STXBP5L: variants seen among roughly 807,000 people sequenced by gnomAD.
STXBP5L encodes the protein syntaxin-binding protein 5-like.
Under a neutral mutation model 144.5 loss-of-function variants are expected in STXBP5L, and 65 were observed. The observed-to-expected ratio is 0.45, with a 90% CI of 0.37 to 0.55. The LOEUF (loss-of-function observed/expected upper bound fraction) is 0.55. STXBP5L is among the 20% of genes least tolerant of loss of function. STXBP5L has a pLI of 0.00. For synonymous variants in STXBP5L, 505 were observed against 469.6 expected (o/e 1.08, Z -0.97); for missense variants, 1,298 against 1,405.5 (o/e 0.92, Z 1.22).
intron 10 of STXBP5L, among the ~76,000 whole-genome samples, chr3:121,215,972 C>A (rs2048762261): frequency 1.3e-5 from 2 of 152,068 alleles, no homozygotes; most frequent in Non-Finnish European, 2.9e-5. Flanking sequence ...TCTCTGATAT[C>A]CTTTCTTTCA....
intron 22 of STXBP5L, among the ~76,000 whole-genome samples, chr3:121,403,189 C>T (rs2046922510): frequency 6.6e-6 from 1 of 152,064 alleles, no homozygotes; most frequent in Non-Finnish European, 1.5e-5. Flanking sequence ...GTTACAGTTA[C>T]TAAACTAAGC....
At chr3:120,975,118 A>G (rs1157591608) in intron 3 of STXBP5L, among the ~76,000 whole-genome samples, 4 of 152,176 alleles carry the variant, frequency 2.6e-5, no homozygotes, top group African/African-American at 9.7e-5. Flanking sequence ...CATTGAATCT[A>G]TAAATTACCT....
chr3:121,419,324 G>A lies in STXBP5L; in HGVS notation c.*227G>A. The A allele has an allele frequency of 2.3e-6, 1 of 436,960 alleles. No individual in the cohort carries two copies. Among genetic ancestry groups the A allele is most frequent in the Non-Finnish European group, 4.0e-6 (1 of 249,090 alleles). 27.1% of individuals were successfully genotyped at this position (436,960 alleles called of 1,614,324 possible). A position where few individuals can be genotyped will look rare whatever the true frequency, so the allele number is the denominator to read the frequency against. On this transcript the variant is annotated 3_prime_UTR_variant, in exon 27 of 27. Coordinates refer to ENST00000471454, the MANE Select transcript of STXBP5L (RefSeq NM_001308330.2). The stretch of plus-strand genomic sequence containing the variant: ...GGCTGAATTTGCCTTTTCCCATGTG[G>A]AATGGAGCTATCATCTTGGCATGTC...
chr3:121,207,693 A>T (rs934621817), intron 10 of STXBP5L, among the ~76,000 whole-genome samples: 23 of 152,244 alleles, frequency 1.5e-4, no homozygotes, highest in African/African-American at 5.5e-4. Flanking sequence ...GACATTTCTC[A>T]AAAGAAGACA....
chr3:120,993,620 GATTT>G (rs1041744863), intron 3 of STXBP5L, among the ~76,000 whole-genome samples: 28 of 152,104 alleles, frequency 1.8e-4, no homozygotes, highest in African/African-American at 6.5e-4. Context: ...TAAATATGTG[GATTT>G]ATTTGTGAAT....
At chr3:121,052,181 A>C (rs1032559406) in intron 5 of STXBP5L, among the ~76,000 whole-genome samples, 2 of 152,218 alleles carry the variant, frequency 1.3e-5, no homozygotes, top group Admixed American at 1.3e-4. Context: ...ATTCCTTCTG[A>C]AACTATTCCA....
At position 121,173,611 on chromosome 3, in the gene STXBP5L, A is replaced by T. The variant is rs113106845; in HGVS notation, c.877+15984A>T. Among the ~76,000 whole-genome samples the T allele has an allele frequency of 2.5e-3, 377 of 152,188 alleles. 2 individuals are homozygous for T. Among genetic ancestry groups the T allele is most frequent in the African/African-American group, 8.5e-3 (354 of 41,548 alleles). Reference sequence around the variant, plus strand: ...AGCTTTACAAATAACATAATCGATTAACAACTATTTTGTGTATTATATGTA... The same window carrying T: ...AGCTTTACAAATAACATAATCGATTTACAACTATTTTGTGTATTATATGTA... On this transcript the variant is annotated intron_variant, in intron 9 of 26. Transcript: ENST00000471454.
chr3:120,974,432 C>G (rs1940684256), intron 3 of STXBP5L, among the ~76,000 whole-genome samples: 1 of 149,194 alleles, frequency 6.7e-6, no homozygotes, highest in African/African-American at 2.5e-5. Flanking sequence ...ATTGTAGATT[C>G]TGGATATTAG....
At chr3:121,208,224 A>G (rs2048415559) in intron 10 of STXBP5L, among the ~76,000 whole-genome samples, 3 of 151,768 alleles carry the variant, frequency 2.0e-5, no homozygotes, top group Admixed American at 6.6e-5. Context: ...TCAGCAGACT[A>G]TCCCAAGGGC....
At chr3:121,119,165 A>G (rs1045128040) in intron 6 of STXBP5L, among the ~76,000 whole-genome samples, 1 of 151,526 alleles carries the variant, frequency 6.6e-6, no homozygotes, top group Admixed American at 6.6e-5. Context: ...CTATTATTTA[A>G]AAATTGGTAG....
At chr3:121,339,126 T>C (rs77904388) in intron 20 of STXBP5L, among the ~76,000 whole-genome samples, 20,090 of 151,882 alleles carry the variant, frequency 0.13, 1,624 homozygotes, top group Middle Eastern at 0.19. Flanking sequence ...AAACACAAAA[T>C]GACAGACCAA....
intron 3 of STXBP5L, among the ~76,000 whole-genome samples, chr3:121,022,982 A>G (rs1355831794): frequency 2.0e-5 from 3 of 151,956 alleles, no homozygotes; most frequent in Non-Finnish European, 2.9e-5. Flanking sequence ...GTTTGTGATG[A>G]TTGTATACCT....
At chr3:121,086,065 A>C (rs898782482) in intron 5 of STXBP5L, among the ~76,000 whole-genome samples, 1 of 152,112 alleles carries the variant, frequency 6.6e-6, no homozygotes, top group Non-Finnish European at 1.5e-5. Context: ...ATGGGGAAAT[A>C]ATTCCCTATT....
rs187520173 is a variant in STXBP5L at position 120,964,776 on chromosome 3, G to A, written c.287+9739G>A. On this transcript the variant is annotated intron_variant, in intron 3 of 26. Transcript: ENST00000471454. ...ATTTGGGGTGGAGAGTTCTGTAGAT[G>A]TCTATTAGGTCTGCTTGTTGCAGAT... 4.2e-3 allele frequency among the ~76,000 whole-genome samples: 632 copies of A among 152,268 alleles called. 4 individuals carry two copies. The highest frequency in any genetic ancestry group is 0.014 in the Middle Eastern group (4 of 294).
At chr3:121,040,004 A>G (rs1947037116) in intron 3 of STXBP5L, among the ~76,000 whole-genome samples, 2 of 152,026 alleles carry the variant, frequency 1.3e-5, no homozygotes, top group Admixed American at 6.6e-5. Flanking sequence ...TATCTACTTA[A>G]CATGCTCAAT....
chr3:121,031,409 A>G (rs563740826), intron 3 of STXBP5L, among the ~76,000 whole-genome samples: 1 of 151,852 alleles, frequency 6.6e-6, no homozygotes, highest in East Asian at 1.9e-4. Context: ...TTCATCAATC[A>G]ATCAATCAAC....
At chr3:121,201,953 A>G (rs1240342788) in intron 9 of STXBP5L, among the ~76,000 whole-genome samples, 4 of 152,228 alleles carry the variant, frequency 2.6e-5, no homozygotes, top group East Asian at 3.9e-4. Flanking sequence ...ACAGGGTTTC[A>G]CCATGTTGGC....
At chr3:121,275,550 G>A (rs1046668879) in intron 18 of STXBP5L, among the ~76,000 whole-genome samples, 3 of 152,102 alleles carry the variant, frequency 2.0e-5, no homozygotes, top group African/African-American at 7.2e-5. Context: ...AGTGAAGGAG[G>A]TTCACAGTGT....
intron 3 of STXBP5L, among the ~76,000 whole-genome samples, chr3:121,002,805 G>A (rs986082662): frequency 1.3e-5 from 2 of 151,504 alleles, no homozygotes; most frequent in African/African-American, 4.9e-5. Context: ...AACATGCGGT[G>A]TTTGGTTTTT....
Sources: gnomAD v4.1 joint callset for allele counts (sites outside exome capture counted in the v4.1 genomes callset) on GRCh38, gnomAD v4.1.1 for gene constraint, MANE v1.5 for transcripts, NCBI Gene and HGNC (gene_info 2026-07-23, HGNC 2026-07-21) for gene names.